Variants in LTBP1 observed in about 807,000 individuals in gnomAD.
LTBP1 encodes latent transforming growth factor beta binding protein 1.
In LTBP1, 129 loss-of-function variants were observed where a neutral mutation model predicts 207.6. That is an observed-to-expected ratio of 0.62 (90% CI 0.54 to 0.72). LTBP1 has a LOEUF of 0.72. LTBP1 is among the 30% of genes least tolerant of loss of function. The pLI is 0.00. For synonymous variants in LTBP1, 963 were observed against 833.7 expected (o/e 1.16, Z -2.67); for missense variants, 2,281 against 2,217.2 (o/e 1.03, Z -0.58).
intron 15 of LTBP1, among the ~76,000 whole-genome samples, chr2:33,264,902 T>C (rs370265643): frequency 2.0e-5 from 3 of 152,172 alleles, no homozygotes; most frequent in South Asian, 2.1e-4. Flanking sequence ...GCTGGTGTTA[T>C]AGTTCTAGTG....
intron 19 of LTBP1, 100 bp downstream of exon 19, chr2:33,280,258 A>G (rs535157050): frequency 6.8e-5 from 84 of 1,232,562 alleles, no homozygotes; most frequent in Non-Finnish European, 8.8e-5. Flanking sequence ...TCAAAATGAA[A>G]AAATGAAATC....
intron 2 of LTBP1, among the ~76,000 whole-genome samples, chr2:32,982,495 CAGTTAATCACCA>C (rs1285546979): frequency 6.6e-6 from 1 of 152,170 alleles, no homozygotes; most frequent in Non-Finnish European, 1.5e-5. Flanking sequence ...ATCACCAAGA[CAGTTAATCACCA>C]AGTTAATCAC....
At chr2:33,057,841 G>A (rs887770222) in intron 3 of LTBP1, among the ~76,000 whole-genome samples, 1 of 152,256 alleles carries the variant, frequency 6.6e-6, no homozygotes, top group Non-Finnish European at 1.5e-5. Context: ...GAGGGAGGCG[G>A]CTCCGGCCTC....
At chr2:33,153,926 G>T (rs1350591821) in intron 5 of LTBP1, among the ~76,000 whole-genome samples, 1 of 152,160 alleles carries the variant, frequency 6.6e-6, no homozygotes, top group African/African-American at 2.4e-5. Context: ...TGGAGGAAAA[G>T]TTGGGGTTTT....
chr2:33,044,457 T>A (rs1487201513), intron 3 of LTBP1, among the ~76,000 whole-genome samples: 2 of 152,256 alleles, frequency 1.3e-5, no homozygotes, highest in Non-Finnish European at 2.9e-5. Context: ...TCCTTTTTTA[T>A]GGCTGCATAG....
Position 33,110,750 on chromosome 2 carries a change from G to C in LTBP1, c.1032G>C (p.Gln344His), listed in dbSNP as rs992081427. The stretch of plus-strand genomic sequence containing the variant: ...AGGATCAAGTTGCGGCACCTTTTCA[G>C]CGTGAGTATAGTCTTATCAACCATT... The part of the protein sequence containing the change: ...YVQDQVAAPF[Q>H]LSNHTGRIKV... Residue 344 changes from glutamine (Q) to histidine (H), a missense_variant and splice_region_variant, in exon 4 of 34, where the codon CAG (glutamine) becomes CAC (histidine). Coordinates refer to ENST00000404816, the MANE Select transcript of LTBP1 (RefSeq NM_206943.4). 6.2e-7 allele frequency: 1 copy of C among 1,613,844 alleles called. No individual in the cohort carries two copies. Among genetic ancestry groups the C allele is most frequent in the East Asian group, 2.2e-5 (1 of 44,880 alleles).
chr2:33,379,495 C>A (rs570092779), intron 31 of LTBP1, among the ~76,000 whole-genome samples: 32 of 152,320 alleles, frequency 2.1e-4, no homozygotes, highest in Middle Eastern at 6.8e-3. Flanking sequence ...TAGGCATGAG[C>A]CACCGTGCCC....
chr2:33,224,660 C>A (rs73924195), intron 9 of LTBP1, among the ~76,000 whole-genome samples: 1 of 152,104 alleles, frequency 6.6e-6, no homozygotes, highest in African/African-American at 2.4e-5. Context: ...TTTTAATAAT[C>A]TGTATTACCT....
chr2:33,089,697 T>A (rs1052730455), intron 3 of LTBP1, among the ~76,000 whole-genome samples: 3 of 152,270 alleles, frequency 2.0e-5, no homozygotes, highest in African/African-American at 4.8e-5. Context: ...TATTAATATG[T>A]AGCACATAAG....
At chr2:33,111,769 G>C (rs17038522) in intron 4 of LTBP1, among the ~76,000 whole-genome samples, 52,357 of 152,004 alleles carry the variant, frequency 0.34, 9,354 homozygotes, top group East Asian at 0.48. Flanking sequence ...CTCAGTGACC[G>C]GTGGCTAGAC....
intron 9 of LTBP1, among the ~76,000 whole-genome samples, chr2:33,238,348 C>T (rs1458752471): frequency 6.6e-6 from 1 of 152,178 alleles, no homozygotes; most frequent in African/African-American, 2.4e-5. Context: ...TTCTTACTCA[C>T]TTTGTTAAAC....
chr2:33,218,458 G>T (rs1362257374), intron 8 of LTBP1, among the ~76,000 whole-genome samples: 2 of 152,164 alleles, frequency 1.3e-5, no homozygotes, highest in Non-Finnish European at 2.9e-5. Context: ...GCACAGTGGG[G>T]CAACCTCGGC....
intron 18 of LTBP1, 74 bp downstream of exon 18, chr2:33,275,997 T>G: frequency 6.7e-7 from 1 of 1,493,370 alleles, no homozygotes; most frequent in South Asian, 1.4e-5. Context: ...CTGGTTCTTG[T>G]TTCCTTCCCA....
chr2:33,233,956 G>A (rs1216970461), intron 9 of LTBP1, among the ~76,000 whole-genome samples: 1 of 152,030 alleles, frequency 6.6e-6, no homozygotes, highest in Non-Finnish European at 1.5e-5. Flanking sequence ...GTAGTGGTTT[G>A]TGTGTGTCTG....
Position 33,188,790 on chromosome 2 carries a change from TCTACCCC to T in LTBP1, c.1641_1647del (p.Tyr548TrpfsTer60). The T allele has an allele frequency of 6.2e-7, 1 of 1,614,150 alleles. No homozygotes were observed. Among genetic ancestry groups the T allele is most frequent in the Non-Finnish European group, 8.5e-7 (1 of 1,180,022 alleles). On this transcript the variant is annotated frameshift_variant, in exon 7 of 34. Transcript: ENST00000404816. LOFTEE classifies it high-confidence loss of function. Reference sequence around the variant, plus strand: ...TCCCACCAGCAGGTCATTCCTCACGTCTACCCCGTGGCTGCTAAGACACAGCTTGGCC... The same window carrying T: ...TCCCACCAGCAGGTCATTCCTCACGTGTGGCTGCTAAGACACAGCTTGGCC...
chr2:33,375,704 ATTTTTTTTT>A (rs985682071), intron 31 of LTBP1, among the ~76,000 whole-genome samples: 119 of 113,764 alleles, frequency 1.0e-3, no homozygotes, highest in African/African-American at 3.7e-3. Context: ...ATTTTTTTGT[ATTTTTTTTT>A]TTTTTTTTTT....
intron 3 of LTBP1, among the ~76,000 whole-genome samples, chr2:33,103,585 A>ATGTGTGTGTGTGTGTG (rs1558640670): frequency 3.8e-4 from 29 of 77,272 alleles, no homozygotes; most frequent in African/African-American, 1.1e-3. Flanking sequence ...GTCTCCGTTT[A>ATGTGTGTGTGTGTGTG]CGTGTGTGTG....
chr2:33,153,516 G>A (rs927277001), intron 5 of LTBP1, among the ~76,000 whole-genome samples: 2 of 152,086 alleles, frequency 1.3e-5, no homozygotes, highest in African/African-American at 2.4e-5. Flanking sequence ...CTTAGAATGC[G>A]CTGGGGTCCT....
chr2:33,029,262 A>C (rs1452316164), intron 3 of LTBP1, among the ~76,000 whole-genome samples: 2 of 152,160 alleles, frequency 1.3e-5, no homozygotes, highest in Non-Finnish European at 2.9e-5. Context: ...GGATCACCTG[A>C]GGTCAGGAGT....
Sources: allele counts gnomAD v4.1 joint callset (sites outside exome capture counted in the v4.1 genomes callset), GRCh38; gene constraint gnomAD v4.1.1; transcripts MANE v1.5; gene names NCBI Gene and HGNC (gene_info 2026-07-23, HGNC 2026-07-21).